RAD51B: variants seen among roughly 807,000 people sequenced by gnomAD.
RAD51B encodes DNA repair protein RAD51 homolog 2.
RAD51B carries 38 observed loss-of-function variants against 42.2 expected under a neutral mutation model. The observed-to-expected ratio is 0.90, with a 90% confidence interval of 0.70 to 1.18. RAD51B has a LOEUF of 1.18. Ranked by LOEUF, RAD51B falls within the 50% of genes most tolerant of loss-of-function variation. RAD51B has a pLI of 0.00. For synonymous variants in RAD51B, 154 were observed against 145.2 expected (o/e 1.06, Z -0.43); for missense variants, 373 against 400.7 (o/e 0.93, Z 0.59).
At chr14:68,183,140 G>A (rs1302325819) in intron 7 of RAD51B, among the ~76,000 whole-genome samples, 1 of 152,084 alleles carries the variant, frequency 6.6e-6, no homozygotes, top group African/African-American at 2.4e-5. Flanking sequence ...TGACTCACAC[G>A]ATCACAAGGT....
intron 8 of RAD51B, among the ~76,000 whole-genome samples, chr14:68,294,154 G>A (rs2081568827): frequency 6.6e-6 from 1 of 152,136 alleles, no homozygotes; most frequent in Non-Finnish European, 1.5e-5. Flanking sequence ...AAGAAGAAGA[G>A]CAAAACACAT....
chr14:68,216,719 C>G (rs1414726599), intron 7 of RAD51B, among the ~76,000 whole-genome samples: 5 of 151,954 alleles, frequency 3.3e-5, no homozygotes, highest in Admixed American at 3.3e-4. Context: ...TATAATATTC[C>G]TCTGTTTTAT....
chr14:68,251,671 C>T (rs567324952), intron 7 of RAD51B, among the ~76,000 whole-genome samples: 1 of 152,278 alleles, frequency 6.6e-6, no homozygotes, highest in Admixed American at 6.5e-5. Flanking sequence ...TATCTTTGCT[C>T]GGCTGGGTCC....
At chr14:68,051,173 A>C (rs1203064599) in intron 7 of RAD51B, among the ~76,000 whole-genome samples, 1 of 152,006 alleles carries the variant, frequency 6.6e-6, no homozygotes, top group Admixed American at 6.5e-5. Context: ...AACTGGATAA[A>C]ATAATGTTAA....
chr14:68,625,331 C>T (rs1403187830), intron 10 of RAD51B, among the ~76,000 whole-genome samples: 1 of 152,206 alleles, frequency 6.6e-6, no homozygotes, highest in Admixed American at 6.5e-5. Context: ...TTTCTGCATA[C>T]GCTGTGCCTC....
intron 8 of RAD51B, among the ~76,000 whole-genome samples, chr14:68,362,740 T>G (rs1183907271): frequency 6.6e-6 from 1 of 151,984 alleles, no homozygotes; most frequent in African/African-American, 2.4e-5. Context: ...TCCCAGCTAC[T>G]CAGGAGGCTG....
At chr14:67,877,677 A>G (rs2042770141) in intron 5 of RAD51B, among the ~76,000 whole-genome samples, 1 of 152,214 alleles carries the variant, frequency 6.6e-6, no homozygotes, top group African/African-American at 2.4e-5. Context: ...TATAATTTAA[A>G]AAAATTTATT....
At chr14:68,564,779 T>G (rs1889339986) in intron 10 of RAD51B, among the ~76,000 whole-genome samples, 1 of 152,166 alleles carries the variant, frequency 6.6e-6, no homozygotes, top group Non-Finnish European at 1.5e-5. Context: ...AGGTGGATGG[T>G]GGGCTCCAGG....
intron 7 of RAD51B, among the ~76,000 whole-genome samples, chr14:68,102,932 G>C (rs149230416): frequency 0.012 from 1,782 of 152,286 alleles, 41 homozygotes; most frequent in African/African-American, 0.04. Flanking sequence ...CATGACAGAA[G>C]GGGAAGCAAA....
At chr14:68,412,494 A>T (rs1428846517) in intron 9 of RAD51B, among the ~76,000 whole-genome samples, 2 of 152,194 alleles carry the variant, frequency 1.3e-5, no homozygotes, top group African/African-American at 4.8e-5. Context: ...CATTAGGTAA[A>T]CTGGCTCTTT....
At chr14:68,047,020 A>T (rs1325752510) in intron 7 of RAD51B, among the ~76,000 whole-genome samples, 1 of 150,916 alleles carries the variant, frequency 6.6e-6, no homozygotes, top group Non-Finnish European at 1.5e-5. Context: ...AGACCATTTC[A>T]CATCACAGTC....
Position 68,477,789 on chromosome 14 carries a change from G to T in RAD51B, c.*125G>T. 6.5e-7 allele frequency: 1 copy of T among 1,527,000 alleles called. No individual in the cohort carries two copies. 94.6% of individuals were successfully genotyped at this position (1,527,000 alleles called of 1,614,324 possible). On this transcript the variant is annotated 3_prime_UTR_variant, in exon 11 of 11. Transcript: ENST00000471583. ...GGATTAATTAGTTGATTGCTGTTGA[G>T]ATGGTAACAGATTTGCTCCTAAACC...
intron 7 of RAD51B, among the ~76,000 whole-genome samples, chr14:68,077,598 C>T (rs549566567): frequency 7.9e-5 from 12 of 152,308 alleles, no homozygotes; most frequent in Admixed American, 3.3e-4. Context: ...AACCCCAATC[C>T]GTTCTCCCCA....
intron 7 of RAD51B, among the ~76,000 whole-genome samples, chr14:68,152,038 T>G (rs989662730): frequency 1.3e-5 from 2 of 151,720 alleles, no homozygotes; most frequent in South Asian, 4.2e-4. Context: ...AGAGACGGGG[T>G]TTCTCCATTT....
intron 10 of RAD51B, among the ~76,000 whole-genome samples, chr14:68,473,551 T>C (rs1048849496): frequency 6.6e-6 from 1 of 152,130 alleles, no homozygotes; most frequent in African/African-American, 2.4e-5. Context: ...ACTTTTTTTT[T>C]CTGGCAATCA....
chr14:68,083,363 A>G (rs2076940727), intron 7 of RAD51B, among the ~76,000 whole-genome samples: 1 of 152,062 alleles, frequency 6.6e-6, no homozygotes, highest in African/African-American at 2.4e-5. Flanking sequence ...CAACAAAGTC[A>G]TTGAGTAGGT....
At chr14:68,425,696 A>G (rs1471260614) in intron 9 of RAD51B, among the ~76,000 whole-genome samples, 1 of 152,232 alleles carries the variant, frequency 6.6e-6, no homozygotes, top group Non-Finnish European at 1.5e-5. Context: ...GATTGGTACT[A>G]GGAGTGTGGT....
At chr14:68,170,594 T>A (rs1249993355) in intron 7 of RAD51B, among the ~76,000 whole-genome samples, 7 of 152,236 alleles carry the variant, frequency 4.6e-5, no homozygotes, top group Admixed American at 4.6e-4. Context: ...TTACTAGTCT[T>A]ATTTTATACA....
intron 7 of RAD51B, among the ~76,000 whole-genome samples, chr14:68,234,880 T>G (rs2080215558): frequency 6.6e-6 from 1 of 152,200 alleles, no homozygotes; most frequent in South Asian, 2.1e-4. Flanking sequence ...CTGTTTGACT[T>G]TATAAACTTT....
Sources: gnomAD v4.1 joint callset for allele counts (sites outside exome capture counted in the v4.1 genomes callset) on GRCh38, gnomAD v4.1.1 for gene constraint, MANE v1.5 for transcripts, NCBI Gene and HGNC (gene_info 2026-07-23, HGNC 2026-07-21) for gene names.